The following TADA3 variants were observed in gnomAD, a reference collection of about 807,000 sequenced individuals.
TADA3 encodes the protein transcriptional adaptor 3, also known as transcriptional adapter 3.
TADA3 carries 25 observed loss-of-function variants against 43.2 expected under a neutral mutation model. The observed-to-expected ratio is 0.58, with a 90% CI of 0.42 to 0.81. The LOEUF (loss-of-function observed/expected upper bound fraction) is 0.81, where lower values mean the gene tolerates loss of function less well. Among genes scored for constraint, TADA3 ranks in the 30% least tolerant of loss-of-function variants. The probability of loss-of-function intolerance (pLI) is 0.00; values close to 1 mark genes in which losing one functional copy is unlikely to be tolerated. For missense variants in TADA3, 441 were observed against 567.8 expected (o/e 0.78, Z 2.27); for synonymous variants, 235 against 225.5 (o/e 1.04, Z -0.38).
At chr3:9,792,494 CAGTTGACG>C (rs2078763536), upstream of TADA3, 2 of 1,211,544 alleles carry the variant, frequency 1.7e-6, no homozygotes, top group Non-Finnish European at 2.1e-6. Flanking sequence ...GGGCCCCTTG[CAGTTGACG>C]CGGGGGCGGG....
At chr3:9,792,708 AGGAGG>A, upstream of TADA3, 1 of 1,233,888 alleles carries the variant, frequency 8.1e-7, no homozygotes, top group Non-Finnish European at 1.0e-6. Context: ...AGCTGCGGGT[AGGAGG>A]GGCGAGAGAA....
chr3:9,787,378 C>T (rs1222228088), intron 4 of TADA3, 38 bp from the exon 5 acceptor site: 3 of 1,570,944 alleles, frequency 1.9e-6, no homozygotes, highest in Non-Finnish European at 2.6e-6. Context: ...AGTGGGTAAG[C>T]ACTGGCCAGC....
Position 9,780,459 on chromosome 3 carries a change from C to A in TADA3, c.1197G>T (p.Met399Ile). Residue 399 changes from methionine (M) to isoleucine (I), a missense_variant, in exon 9 of 9, where the codon ATG becomes ATT. Transcript: ENST00000301964. The part of the protein sequence containing the change: ...NEVMDAFRKI[M>I]AARQKKRTPT... ...GAGTCCGCTTCTTCTGCCGGGCAGC[C>A]ATGATCTTGCGAAAGGCGTCCATGA... 1.2e-6 allele frequency: 2 copies of A among 1,612,246 alleles called. No individual in the cohort carries two copies. The highest frequency in any genetic ancestry group is 1.7e-6 in the Non-Finnish European group (2 of 1,180,008).
At chr3:9,786,295 C>T (rs916208722) in intron 6 of TADA3, among the ~76,000 whole-genome samples, 1 of 152,152 alleles carries the variant, frequency 6.6e-6, no homozygotes, top group Non-Finnish European at 1.5e-5. Context: ...TGACCTTGTG[C>T]AGACTGCAAG....
rs139227964 is a variant in TADA3, at chr3:9,786,660, G to A, written c.810+346C>T. Among the ~76,000 whole-genome samples the A allele has an allele frequency of 8.1e-3, 1,241 of 152,294 alleles. 12 individuals are homozygous for A. The highest frequency in any genetic ancestry group is 0.014 in the Non-Finnish European group (962 of 68,014). ...ATAAAGCCCCTCCAACAGATGCTTA[G>A]CAAAAGTAATTGTGGAGTAAGGCTA... is the stretch of plus-strand genomic sequence containing the variant. On this transcript the variant is annotated intron_variant, in intron 6 of 8. Coordinates refer to ENST00000301964, the MANE Select transcript of TADA3 (RefSeq NM_006354.5).
At chr3:9,792,912 G>A, upstream of TADA3, 3 of 1,399,830 alleles carry the variant, frequency 2.1e-6, no homozygotes, top group Non-Finnish European at 2.8e-6. Context: ...AGTGACTCGA[G>A]TGCAAGAATT....
chr3:9,789,372 G>A (rs2078686728), intron 4 of TADA3, 137 bp downstream of exon 4: 6 of 742,214 alleles, frequency 8.1e-6, no homozygotes, highest in South Asian at 1.9e-5. Context: ...TAGGTGTCTG[G>A]AGGCACTGAT....
rs17050571 is a variant in TADA3 at position 9,790,462 on chromosome 3, C to T, written c.208-499G>A. ...AGTCTCTGGCACTTCACAGCTCCAA[C>T]GTGCACCCAATCGTGTTGTTTGGTC... On this transcript the variant is annotated intron_variant, in intron 2 of 8. Coordinates refer to ENST00000301964, the MANE Select transcript of TADA3 (RefSeq NM_006354.5). Among the ~76,000 whole-genome samples, 658 of 152,338 alleles carry T rather than the reference C, an allele frequency of 4.3e-3. 7 individuals are homozygous for T. The highest frequency in any genetic ancestry group is 0.015 in the African/African-American group (615 of 41,566).
At chr3:9,785,848 G>A (rs2078594961) in intron 6 of TADA3, among the ~76,000 whole-genome samples, 1 of 152,186 alleles carries the variant, frequency 6.6e-6, no homozygotes, top group African/African-American at 2.4e-5. Context: ...CATGTGACAA[G>A]TTCTCTCCAG....
At position 9,783,866 on chromosome 3, in the gene TADA3, C is replaced by T; in HGVS notation, c.1106+162G>A. ...CTGTGGAATCAGAATTTGTTTGGGA[C>T]ATACCCGGTGGACTGGCCACTGCTG... On this transcript the variant is annotated intron_variant, in intron 8 of 8. Transcript: ENST00000301964. 4.7e-6 allele frequency: 6 copies of T among 1,266,032 alleles called. No individual in the cohort carries two copies. In the South Asian group the frequency reaches 8.5e-5, roughly 18 times the overall value. 78.4% of individuals were successfully genotyped at this position (1,266,032 alleles called of 1,614,324 possible). A position where few individuals can be genotyped will look rare whatever the true frequency, so the allele number is the denominator to read the frequency against.
intron 4 of TADA3, chr3:9,787,651 C>G (rs73113563): frequency 2.0e-4 from 273 of 1,384,640 alleles, no homozygotes; most frequent in Non-Finnish European, 2.5e-4. Context: ...GAATTAGGAG[C>G]CTTCAGGTCA....
intron 8 of TADA3, among the ~76,000 whole-genome samples, chr3:9,782,967 C>T (rs6443265): frequency 0.66 from 100,231 of 151,966 alleles, 33,601 homozygotes; most frequent in Middle Eastern, 0.83. Context: ...CCTATACCCT[C>T]GTGATCAATG....
chr3:9,787,415 CTATCT>C lies in TADA3; in HGVS notation c.565-80_565-76del, dbSNP rs753278460. The C allele has an allele frequency of 3.9e-6, 6 of 1,525,864 alleles. No homozygotes were observed. In the South Asian group the frequency reaches 6.6e-5, roughly 17 times the overall value. 94.5% of individuals were successfully genotyped at this position (1,525,864 alleles called of 1,614,324 possible). ...ATGCTTCATTCATTCATTCACTTAC[CTATCT>C]TATATCTCTCTCAAGTCCCTAGTCC... On this transcript the variant is annotated intron_variant, in intron 4 of 8. Transcript: ENST00000301964.
At chr3:9,787,715 A>C (rs1359089949) in intron 4 of TADA3, 2 of 1,308,828 alleles carry the variant, frequency 1.5e-6, no homozygotes, top group Admixed American at 4.5e-5. Context: ...TGTCTGTATG[A>C]ACTCTTTTTC....
At chr3:9,786,858 T>C in intron 6 of TADA3, 148 bp downstream of exon 6, 1 of 663,222 alleles carries the variant, frequency 1.5e-6, no homozygotes, top group Non-Finnish European at 2.6e-6. Context: ...TCCCAATCTT[T>C]TGCTATATAT....
chr3:9,791,575 AG>A (rs1182734463), intron 1 of TADA3, 82 bp from the exon 2 acceptor site: 9 of 809,866 alleles, frequency 1.1e-5, no homozygotes, highest in Non-Finnish European at 1.3e-5. Context: ...GACAGCCTCA[AG>A]GAAGCCCAGC....
chr3:9,783,913 T>G (rs1171961520), intron 8 of TADA3, 115 bp downstream of exon 8: 2 of 1,411,158 alleles, frequency 1.4e-6, no homozygotes, highest in Non-Finnish European at 1.9e-6. Context: ...GCTCTCCAGG[T>G]GATTTAGAGG....
chr3:9,785,270 C>T lies in TADA3; in HGVS notation c.920+46G>A, dbSNP rs765486810. 4.0e-6 allele frequency: 6 copies of T among 1,499,266 alleles called. No homozygotes were observed. The South Asian group carries it at 5.7e-5, about 14-fold the overall frequency. The allele number at this position is 1,499,266 out of a possible 1,614,324, so 92.9% of individuals were successfully genotyped here. ...CCAGGTTGAGATGGAGAGAAGCCAA[C>T]AGAAGCGGGGGCCAGACTGTGGGTT... On this transcript the variant is annotated intron_variant, in intron 7 of 8. Coordinates refer to ENST00000301964, the MANE Select transcript of TADA3 (RefSeq NM_006354.5).
At chr3:9,781,348 G>C (rs780935366) in intron 8 of TADA3, among the ~76,000 whole-genome samples, 1 of 148,850 alleles carries the variant, frequency 6.7e-6, no homozygotes, top group Non-Finnish European at 1.5e-5. Context: ...CTCTCTCTCT[G>C]TCTTTCAGTT....
Sources: gnomAD v4.1 joint callset for allele counts (sites outside exome capture counted in the v4.1 genomes callset) on GRCh38, gnomAD v4.1.1 for gene constraint, MANE v1.5 for transcripts, NCBI Gene and HGNC (gene_info 2026-07-23, HGNC 2026-07-21) for gene names.